Variants in GALNTL6 observed in about 807,000 individuals in gnomAD.
GALNTL6 encodes the protein polypeptide N-acetylgalactosaminyltransferase-like 6.
A neutral mutation model predicts 73.7 loss-of-function variants in GALNTL6; 46 were observed. That is an observed-to-expected ratio of 0.62 (90% CI 0.49 to 0.80). The LOEUF is 0.80. Ranked by LOEUF, GALNTL6 falls within the 30% of genes least tolerant of loss-of-function variation. GALNTL6 has a pLI of 0.00. For missense variants in GALNTL6, 604 were observed against 755.0 expected (o/e 0.80, Z 2.34); for synonymous variants, 259 against 263.7 (o/e 0.98, Z 0.17).
At chr4:171,940,619 T>A (rs1414855599) in intron 2 of GALNTL6, among the ~76,000 whole-genome samples, 1 of 151,836 alleles carries the variant, frequency 6.6e-6, no homozygotes, top group Non-Finnish European at 1.5e-5. Context: ...GTCAGGAGTT[T>A]GAGACCAGCC....
At chr4:172,661,451 G>A (rs577621795) in intron 5 of GALNTL6, among the ~76,000 whole-genome samples, 2 of 152,092 alleles carry the variant, frequency 1.3e-5, no homozygotes, top group South Asian at 4.1e-4. Context: ...GAGAACACTG[G>A]CTAACACGGT....
At chr4:172,699,537 T>C (rs565837876) in intron 5 of GALNTL6, among the ~76,000 whole-genome samples, 4 of 152,136 alleles carry the variant, frequency 2.6e-5, no homozygotes, top group Non-Finnish European at 4.4e-5. Context: ...AGCAATAAAT[T>C]TCTCTTAGAA....
chr4:172,317,579 G>A (rs1214325209), intron 4 of GALNTL6, among the ~76,000 whole-genome samples: 2 of 151,920 alleles, frequency 1.3e-5, no homozygotes, highest in Admixed American at 1.3e-4. Flanking sequence ...ATTTTTATTA[G>A]AAAGAATAGT....
chr4:172,575,062 C>A (rs1178562193), intron 5 of GALNTL6, among the ~76,000 whole-genome samples: 1 of 152,084 alleles, frequency 6.6e-6, no homozygotes, highest in Non-Finnish European at 1.5e-5. Context: ...ACCCAAAGGT[C>A]ACTTACAGCA....
At chr4:171,977,119 C>T (rs1393670242) in intron 2 of GALNTL6, among the ~76,000 whole-genome samples, 7 of 152,132 alleles carry the variant, frequency 4.6e-5, no homozygotes, top group Non-Finnish European at 1.0e-4. Context: ...GAGAGTAAGC[C>T]TTAGCCTCAA....
rs115284209 is a variant in GALNTL6, at chr4:172,020,866, G to A, written c.138+206148G>A. ...ACACATCAAAAAAAGAAAACTATAGGCCAACACCCTGATAAATATTGATGC... is the reference window on the plus strand; with the variant it reads ...ACACATCAAAAAAAGAAAACTATAGACCAACACCCTGATAAATATTGATGC... On this transcript the variant is annotated intron_variant, in intron 2 of 12. Transcript: ENST00000506823. Among the ~76,000 whole-genome samples the A allele has an allele frequency of 5.0e-3, 752 of 151,896 alleles. 9 individuals carry two copies. Among genetic ancestry groups the A allele is most frequent in the African/African-American group, 0.017 (707 of 41,458 alleles).
chr4:172,902,697 A>C (rs543600786), intron 8 of GALNTL6, among the ~76,000 whole-genome samples: 2 of 152,354 alleles, frequency 1.3e-5, no homozygotes, highest in Admixed American at 1.3e-4. Context: ...CTAATGAATT[A>C]TAACAAACCA....
chr4:172,552,845 A>AAAAAAAC (rs1736008211), intron 5 of GALNTL6, among the ~76,000 whole-genome samples: 1 of 149,892 alleles, frequency 6.7e-6, no homozygotes, highest in Non-Finnish European at 1.5e-5. Flanking sequence ...AGTAAAAAAA[A>AAAAAAAC]AAAAAAAAAA....
chr4:172,566,003 A>T lies in GALNTL6; in HGVS notation c.553+217314A>T, dbSNP rs905975360. On this transcript the variant is annotated intron_variant, in intron 5 of 12. Transcript: ENST00000506823. Reference sequence around the variant, plus strand: ...TTCATCAGTAAGATATAAAAATTATAAATATATAGTCACTCACCATCAGAA... The same window carrying T: ...TTCATCAGTAAGATATAAAAATTATTAATATATAGTCACTCACCATCAGAA... Among the ~76,000 whole-genome samples, 76 of 152,174 alleles carry T rather than the reference A, an allele frequency of 5.0e-4. 1 individual carries two copies. The highest frequency in any genetic ancestry group is 4.5e-3 in the Admixed American group (69 of 15,284).
chr4:172,753,123 C>T (rs948016224), intron 5 of GALNTL6, among the ~76,000 whole-genome samples: 3 of 152,122 alleles, frequency 2.0e-5, no homozygotes, highest in Admixed American at 6.6e-5. Context: ...ATAACTGAAT[C>T]ATGGGGGCAG....
chr4:171,976,279 C>T (rs1353631006), intron 2 of GALNTL6, among the ~76,000 whole-genome samples: 2 of 152,110 alleles, frequency 1.3e-5, no homozygotes, highest in African/African-American at 2.4e-5. Context: ...AAATTTGTGT[C>T]GTTACATAAT....
intron 5 of GALNTL6, among the ~76,000 whole-genome samples, chr4:172,579,951 C>A (rs1251921345): frequency 1.3e-5 from 2 of 152,066 alleles, no homozygotes; most frequent in Non-Finnish European, 2.9e-5. Flanking sequence ...ACAGTCTCCT[C>A]TGAGAATTTC....
chr4:172,084,008 T>A (rs555680786), intron 2 of GALNTL6, among the ~76,000 whole-genome samples: 1 of 152,222 alleles, frequency 6.6e-6, no homozygotes, highest in East Asian at 1.9e-4. Flanking sequence ...GGATTCAAAA[T>A]AAGTCAGGAA....
At chr4:171,859,796 T>G (rs2110876553) in intron 2 of GALNTL6, among the ~76,000 whole-genome samples, 1 of 152,306 alleles carries the variant, frequency 6.6e-6, no homozygotes, top group African/African-American at 2.4e-5. Context: ...CATGACTGAC[T>G]TCAGCTCCTC....
chr4:172,092,955 T>C (rs1177915441), intron 2 of GALNTL6, among the ~76,000 whole-genome samples: 1 of 148,570 alleles, frequency 6.7e-6, no homozygotes, highest in African/African-American at 2.5e-5. Context: ...CTCACTGCAA[T>C]CTCCACCTCC....
chr4:172,133,774 G>A (rs898592233), intron 2 of GALNTL6, among the ~76,000 whole-genome samples: 3 of 152,196 alleles, frequency 2.0e-5, no homozygotes, highest in African/African-American at 4.8e-5. Flanking sequence ...AGCATGGAAA[G>A]GCATGGCATA....
chr4:171,994,623 G>A (rs545860375), intron 2 of GALNTL6, among the ~76,000 whole-genome samples: 25 of 151,930 alleles, frequency 1.6e-4, no homozygotes, highest in African/African-American at 5.3e-4. Flanking sequence ...AGTAAAGAAC[G>A]TATCCATGTA....
chr4:171,884,298 A>G (rs986305716), intron 2 of GALNTL6, among the ~76,000 whole-genome samples: 1 of 152,194 alleles, frequency 6.6e-6, no homozygotes, highest in African/African-American at 2.4e-5. Context: ...ATTTTTTAAT[A>G]GGAAGAATAA....
chr4:172,809,376 A>C lies in GALNTL6; in HGVS notation c.569A>C (p.Lys190Thr). The change falls in exon 6 of 13, where the codon AAA becomes ACA. Residue 190 changes from lysine to threonine, a missense_variant. Transcript: ENST00000506823. The surrounding 1 kb of genome is among the most constrained non-coding windows in gnomAD (Gnocchi z 4.4). Reference protein sequence around the residue: ...DFSEREHLKDKLEEYMARFSK... With the variant: ...DFSEREHLKDTLEEYMARFSK... ...TCCTACCTAGAACACCTGAAGGATAAATTGGAAGAATACATGGCCCGATTT... is the reference window on the plus strand; with the variant it reads ...TCCTACCTAGAACACCTGAAGGATACATTGGAAGAATACATGGCCCGATTT... The C allele has an allele frequency of 3.7e-6, 6 of 1,613,676 alleles. No homozygotes were observed. Among genetic ancestry groups the C allele is most frequent in the Non-Finnish European group, 5.1e-6 (6 of 1,179,750 alleles).
Sources: allele counts gnomAD v4.1 joint callset (sites outside exome capture counted in the v4.1 genomes callset), GRCh38; gene constraint gnomAD v4.1.1; non-coding constraint Gnocchi (gnomAD v3.1); transcripts MANE v1.5; gene names NCBI Gene and HGNC (gene_info 2026-07-23, HGNC 2026-07-21).